ALG9: variants seen among roughly 807,000 people sequenced by gnomAD.
ALG9 encodes ALG9 alpha-1,2-mannosyltransferase.
A neutral mutation model predicts 81.8 loss-of-function variants in ALG9; 55 were observed. That is an observed-to-expected ratio of 0.67 (90% CI 0.54 to 0.84). The LOEUF (loss-of-function observed/expected upper bound fraction) is 0.84, where lower values mean the gene tolerates loss of function less well. Among genes scored for constraint, ALG9 ranks in the 40% least tolerant of loss-of-function variants. ALG9 has a pLI of 0.00. For missense variants in ALG9, 629 were observed against 745.0 expected (o/e 0.84, Z 1.81); for synonymous variants, 278 against 274.3 (o/e 1.01, Z -0.13).
chr11:111,864,553 C>A, intron 4 of ALG9: 3 of 604,474 alleles, frequency 5.0e-6, no homozygotes, highest in Non-Finnish European at 6.1e-6. Context: ...AAAAGCTTAT[C>A]CCTGTAGCAC....
chr11:111,815,738 A>G (rs1951378704), intron 13 of ALG9, among the ~76,000 whole-genome samples: 2 of 152,174 alleles, frequency 1.3e-5, no homozygotes, highest in Non-Finnish European at 2.9e-5. Flanking sequence ...CACTTACCTC[A>G]AAGAGTTATA....
intron 8 of ALG9, among the ~76,000 whole-genome samples, chr11:111,848,371 T>C (rs1344068326): frequency 6.6e-6 from 1 of 151,708 alleles, no homozygotes; most frequent in Non-Finnish European, 1.5e-5. Flanking sequence ...TGTAGAAAGG[T>C]CCCTTTGAAA....
chr11:111,793,634 G>A (rs1480994789), intron 14 of ALG9, among the ~76,000 whole-genome samples: 9 of 152,040 alleles, frequency 5.9e-5, no homozygotes, highest in Non-Finnish European at 2.9e-5. Flanking sequence ...GGTGGCGGGT[G>A]CCTGTAGTCC....
intron 13 of ALG9, among the ~76,000 whole-genome samples, chr11:111,812,433 G>A (rs1299929438): frequency 6.6e-6 from 1 of 152,148 alleles, no homozygotes; most frequent in Non-Finnish European, 1.5e-5. Flanking sequence ...CGGGCATGGT[G>A]GTATGTACCA....
At chr11:111,846,799 ATC>A (rs1957012698) in intron 8 of ALG9, among the ~76,000 whole-genome samples, 1 of 152,204 alleles carries the variant, frequency 6.6e-6, no homozygotes, top group Non-Finnish European at 1.5e-5. Context: ...ATAAACTTTT[ATC>A]TCTTTTCAGG....
At chr11:111,811,560 A>G (rs951979252) in intron 13 of ALG9, among the ~76,000 whole-genome samples, 3 of 151,624 alleles carry the variant, frequency 2.0e-5, no homozygotes, top group Non-Finnish European at 2.9e-5. Context: ...AAAAAAAAAA[A>G]AGGATAGAAT....
chr11:111,815,678 A>C (rs1555096444), intron 13 of ALG9, among the ~76,000 whole-genome samples: 1 of 152,214 alleles, frequency 6.6e-6, no homozygotes, highest in Non-Finnish European at 1.5e-5. Flanking sequence ...AGTGACTCAC[A>C]ATCTTTTTTC....
chr11:111,794,850 T>G (rs886195820), intron 14 of ALG9, among the ~76,000 whole-genome samples: 17 of 152,240 alleles, frequency 1.1e-4, no homozygotes, highest in South Asian at 6.2e-4. Context: ...AACTTGGCTT[T>G]TGCAGCTATC....
intron 5 of ALG9, among the ~76,000 whole-genome samples, chr11:111,858,188 A>G (rs640651): frequency 0.65 from 98,677 of 151,828 alleles, 32,140 homozygotes; most frequent in East Asian, 0.77. Flanking sequence ...GCCTGTCTCG[A>G]CCTCCCAAAG....
chr11:111,844,463 A>C, intron 9 of ALG9, 138 bp downstream of exon 9: 1 of 1,274,408 alleles, frequency 7.8e-7, no homozygotes. Context: ...ACAAACACAG[A>C]CTGAAAATTC....
At chr11:111,840,627 G>A (rs782113756) in intron 10 of ALG9, 28 bp downstream of exon 10, 1 of 1,613,504 alleles carries the variant, frequency 6.2e-7, no homozygotes, top group Admixed American at 1.7e-5. Context: ...AAAAGAATGA[G>A]GCAGATACAC....
intron 8 of ALG9, among the ~76,000 whole-genome samples, chr11:111,850,706 CA>C (rs782114013): frequency 5.8e-4 from 39 of 66,680 alleles, no homozygotes; most frequent in South Asian, 7.4e-4. Context: ...GATACTGTCT[CA>C]AAAAAAAAAA....
At position 111,789,069 on chromosome 11, in the gene ALG9, C is replaced by A. The variant is rs533686669; in HGVS notation, c.1734-2549G>T. On this transcript the variant is annotated intron_variant, in intron 14 of 14. Coordinates refer to ENST00000616540, the MANE Select transcript of ALG9 (RefSeq NM_024740.2). The stretch of plus-strand genomic sequence containing the variant: ...TTTTGCCCAGGCTGGCCTTGAACTC[C>A]TGGGCTCAAGCAATCCTCCTGCCTC... Among the ~76,000 whole-genome samples the A allele has an allele frequency of 8.6e-5, 13 of 151,904 alleles. No individual in the cohort carries two copies. In the South Asian group the frequency reaches 2.7e-3, roughly 32 times the overall value.
At chr11:111,781,623 T>A (rs1414159215), downstream of ALG9, among the ~76,000 whole-genome samples, 3 of 152,018 alleles carry the variant, frequency 2.0e-5, no homozygotes, top group Non-Finnish European at 4.4e-5. Flanking sequence ...ATGTATTGAG[T>A]AATTCCTTTT....
intron 8 of ALG9, among the ~76,000 whole-genome samples, chr11:111,850,164 G>C (rs1157264427): frequency 1.3e-5 from 2 of 152,042 alleles, no homozygotes; most frequent in African/African-American, 2.4e-5. Context: ...ATCTATTATA[G>C]TATTATTATT....
downstream of ALG9, among the ~76,000 whole-genome samples, chr11:111,778,551 G>C (rs1192862410): frequency 2.0e-5 from 3 of 152,106 alleles, no homozygotes; most frequent in African/African-American, 7.2e-5. Context: ...GTGGGGAAGA[G>C]GCCTAGATGA....
intron 13 of ALG9, among the ~76,000 whole-genome samples, chr11:111,823,737 C>T (rs1952799868): frequency 6.6e-6 from 1 of 152,220 alleles, no homozygotes; most frequent in Admixed American, 6.5e-5. Flanking sequence ...TAGATCACCA[C>T]ACAGATCTAT....
At chr11:111,858,917 G>A (rs1446131711) in intron 5 of ALG9, among the ~76,000 whole-genome samples, 1 of 152,134 alleles carries the variant, frequency 6.6e-6, no homozygotes, top group Non-Finnish European at 1.5e-5. Context: ...AATTGTAGGA[G>A]TAGCAGGCCA....
chr11:111,841,174 C>T (rs1956159813), intron 9 of ALG9, among the ~76,000 whole-genome samples: 1 of 152,152 alleles, frequency 6.6e-6, no homozygotes, highest in Non-Finnish European at 1.5e-5. Context: ...CTGAGTTTAA[C>T]CAAAAGCATA....
Sources: allele counts gnomAD v4.1 joint callset (sites outside exome capture counted in the v4.1 genomes callset), GRCh38; gene constraint gnomAD v4.1.1; transcripts MANE v1.5; gene names NCBI Gene and HGNC (gene_info 2026-07-23, HGNC 2026-07-21).